Variants in CACNA1C observed in about 807,000 individuals in gnomAD.
CACNA1C encodes voltage-dependent L-type calcium channel subunit alpha-1C.
CACNA1C carries 30 observed loss-of-function variants against 229.0 expected under a neutral mutation model. The observed-to-expected ratio is 0.13, with a 90% confidence interval of 0.10 to 0.18. CACNA1C has a LOEUF of 0.18. CACNA1C is among the 10% of genes least tolerant of loss of function. The probability of loss-of-function intolerance (pLI) is 1.00; values close to 1 mark genes in which losing one functional copy is unlikely to be tolerated. For missense variants in CACNA1C, 1,658 were observed against 2,845.0 expected, an observed-to-expected ratio of 0.58 and a Z score of 9.49; for synonymous variants, 1,114 against 1,132.5, an observed-to-expected ratio of 0.98 and a Z score of 0.33.
At chr12:2,233,642 C>T (rs913457724) in intron 3 of CACNA1C, among the ~76,000 whole-genome samples, 4 of 152,160 alleles carry the variant, frequency 2.6e-5, no homozygotes, top group South Asian at 2.1e-4. Flanking sequence ...AAAACCTTTG[C>T]CCATGCCTTG....
chr12:2,563,067 C>G (rs1011210272), intron 11 of CACNA1C, among the ~76,000 whole-genome samples: 21 of 152,178 alleles, frequency 1.4e-4, no homozygotes, highest in Admixed American at 3.9e-4. Context: ...TCATTCTACT[C>G]TCTGTATCCA....
chr12:2,290,971 G>T (rs1339203750), intron 3 of CACNA1C, among the ~76,000 whole-genome samples: 2 of 152,200 alleles, frequency 1.3e-5, no homozygotes, highest in Non-Finnish European at 1.5e-5. Flanking sequence ...ATATCAGGGG[G>T]TTTACAGCAT....
chr12:2,393,659 A>G (rs2098525004), intron 3 of CACNA1C, among the ~76,000 whole-genome samples: 1 of 152,238 alleles, frequency 6.6e-6, no homozygotes. Flanking sequence ...AATGCCTAAC[A>G]CAAAGGTTCT....
chr12:2,003,117 G>A (rs2042566419), intron 1 of CACNA1C, among the ~76,000 whole-genome samples: 1 of 152,172 alleles, frequency 6.6e-6, no homozygotes. Flanking sequence ...TAAGAACTTT[G>A]GGCAAAACTG....
chr12:2,259,157 C>T (rs1477949161), intron 3 of CACNA1C, among the ~76,000 whole-genome samples: 1 of 152,104 alleles, frequency 6.6e-6, no homozygotes, highest in African/African-American at 2.4e-5. Flanking sequence ...AGAATATGGC[C>T]CTGAACCAGC....
intron 3 of CACNA1C, among the ~76,000 whole-genome samples, chr12:2,347,602 C>A (rs1168110885): frequency 6.6e-6 from 1 of 152,218 alleles, no homozygotes; most frequent in Non-Finnish European, 1.5e-5. Flanking sequence ...GCTCCAGGAC[C>A]AGAGAATCCT....
At position 2,547,300 on chromosome 12, in the gene CACNA1C, G is replaced by A. The variant is rs910774950; in HGVS notation, c.1391-2643G>A. 6.5e-6 allele frequency: 4 copies of A among 619,370 alleles called. No homozygotes were observed. The African/African-American group carries it at 7.4e-5, about 11-fold the overall frequency. The allele number at this position is 619,370 out of a possible 1,614,324, so 38.4% of individuals were successfully genotyped here. A position where few individuals can be genotyped will look rare whatever the true frequency, so the allele number is the denominator to read the frequency against. ...GTTTTCCTGTATGTTTTGATTTATTGAATTTTTTTTGTTTATTTTCTGTGA... is the reference window on the plus strand; with the variant it reads ...GTTTTCCTGTATGTTTTGATTTATTAAATTTTTTTTGTTTATTTTCTGTGA... On this transcript the variant is annotated intron_variant, in intron 9 of 46. Coordinates refer to ENST00000399655, the MANE Select transcript of CACNA1C (RefSeq NM_000719.7).
At chr12:2,042,614 G>C (rs185055429) in intron 1 of CACNA1C, among the ~76,000 whole-genome samples, 103 of 152,298 alleles carry the variant, frequency 6.8e-4, no homozygotes, top group African/African-American at 2.4e-3. Context: ...TCACACCACA[G>C]GGATATGGAC....
At chr12:2,216,646 T>A (rs188400724) in intron 3 of CACNA1C, among the ~76,000 whole-genome samples, 1 of 152,350 alleles carries the variant, frequency 6.6e-6, no homozygotes, top group Non-Finnish European at 1.5e-5. Flanking sequence ...CTGGGCAGCC[T>A]TTTAAAAATA....
At chr12:2,688,349 G>C (rs2097634814) in intron 45 of CACNA1C, 98 bp from the exon 46 acceptor site, 2 of 1,126,960 alleles carry the variant, frequency 1.8e-6, no homozygotes. Flanking sequence ...GAGCTAGCTG[G>C]ACACAGCAGC....
At chr12:2,297,228 G>A (rs2108571) in intron 3 of CACNA1C, among the ~76,000 whole-genome samples, 1,581 of 152,320 alleles carry the variant, frequency 0.01, 23 homozygotes, top group African/African-American at 0.036. Context: ...CACAGAACAC[G>A]TGGGAGCCGT....
intron 13 of CACNA1C, among the ~76,000 whole-genome samples, chr12:2,579,155 TC>T (rs1362064808): frequency 6.6e-6 from 1 of 152,074 alleles, no homozygotes; most frequent in African/African-American, 2.4e-5. Context: ...CTCCCGTTGG[TC>T]CCCATGGCTG....
intron 3 of CACNA1C, among the ~76,000 whole-genome samples, chr12:2,173,894 C>G (rs1184925257): frequency 1.3e-5 from 2 of 152,084 alleles, no homozygotes; most frequent in African/African-American, 4.8e-5. Context: ...TCCCCAATCT[C>G]TCTGCACTTT....
chr12:2,682,081 CCCAGGGTG>C, intron 42 of CACNA1C: 1 of 1,300,088 alleles, frequency 7.7e-7, no homozygotes, highest in Non-Finnish European at 1.1e-6. Context: ...GTGCCTTTAC[CCCAGGGTG>C]CCAGTGTCAG....
rs2097823234 is a variant in CACNA1C at position 2,694,594 on chromosome 12, G to T, written c.*3395G>T. ...TGGGAAATCCACTCAAAGGAACAAG[G>T]CAATGTCTCTCATTCTATTTCCCAG... On this transcript the variant is annotated 3_prime_UTR_variant, in exon 47 of 47. Transcript: ENST00000399655. The T allele has an allele frequency of 1.3e-5, 2 of 152,210 alleles. No homozygotes were observed. The highest frequency in any genetic ancestry group is 4.1e-4 in the South Asian group (2 of 4,826). 9.4% of individuals were successfully genotyped at this position (152,210 alleles called of 1,614,324 possible).
intron 1 of CACNA1C, among the ~76,000 whole-genome samples, chr12:2,012,677 A>G (rs2044652007): frequency 6.6e-6 from 1 of 152,262 alleles, no homozygotes; most frequent in Non-Finnish European, 1.5e-5. Flanking sequence ...AGACTAGCAT[A>G]CATGAAAAAA....
At chr12:2,240,044 A>G (rs1203115116) in intron 3 of CACNA1C, among the ~76,000 whole-genome samples, 1 of 152,270 alleles carries the variant, frequency 6.6e-6, no homozygotes, top group Non-Finnish European at 1.5e-5. Flanking sequence ...TAGAAATTGT[A>G]TCAATCAACA....
intron 3 of CACNA1C, among the ~76,000 whole-genome samples, chr12:2,291,526 T>C (rs1390332651): frequency 3.3e-5 from 5 of 152,250 alleles, no homozygotes; most frequent in Non-Finnish European, 5.9e-5. Context: ...TGTTTGTAAA[T>C]AAGATGTTAG....
chr12:2,318,391 G>A (rs2095803502), intron 3 of CACNA1C, among the ~76,000 whole-genome samples: 1 of 152,174 alleles, frequency 6.6e-6, no homozygotes, highest in Non-Finnish European at 1.5e-5. Flanking sequence ...ATTGTGCAGG[G>A]CAACCCTGTT....
Sources: gnomAD v4.1 joint callset for allele counts (sites outside exome capture counted in the v4.1 genomes callset) on GRCh38, gnomAD v4.1.1 for gene constraint, MANE v1.5 for transcripts, NCBI Gene and HGNC (gene_info 2026-07-23, HGNC 2026-07-21) for gene names.